Variants in DZIP1 observed in about 807,000 individuals in gnomAD.
DZIP1 encodes cilium assembly protein DZIP1.
Under a neutral mutation model 107.6 loss-of-function variants are expected in DZIP1, and 97 were observed. The ratio of observed to expected loss-of-function variants is 0.90; its 90% confidence interval spans 0.77 to 1.07. The LOEUF is 1.07. DZIP1 is among the 50% of genes least tolerant of loss of function. The pLI is 0.00. For missense variants in DZIP1, 1,035 were observed against 1,063.6 expected (o/e 0.97, Z 0.37); for synonymous variants, 390 against 386.4 (o/e 1.01, Z -0.11).
intron 15 of DZIP1, among the ~76,000 whole-genome samples, chr13:95,598,141 C>A (rs1423320410): frequency 2.0e-5 from 3 of 152,192 alleles, no homozygotes; most frequent in Non-Finnish European, 4.4e-5. Flanking sequence ...CCTATAGTCA[C>A]TCTTGTTTCT....
chr13:95,612,118 A>G lies in DZIP1; in HGVS notation c.1233T>C (p.Asn411=). Reference sequence around the variant, plus strand: ...CTTCTATCCTTTTCTTATAGAAAACATTGCTTGCATTTAGATCATCTATCA... The same window carrying G: ...CTTCTATCCTTTTCTTATAGAAAACGTTGCTTGCATTTAGATCATCTATCA... ...TSMIDDLNAS[N]VFYKKRIEEL... is the part of the protein sequence containing the mutation. The change falls in exon 11 of 23, where the codon AAT becomes AAC. Residue 411 remains asparagine, a synonymous_variant. Coordinates refer to ENST00000376829, the MANE Select transcript of DZIP1 (RefSeq NM_198968.4). The G allele has an allele frequency of 6.2e-7, 1 of 1,613,592 alleles. No individual in the cohort carries two copies. The highest frequency in any genetic ancestry group is 8.5e-7 in the Non-Finnish European group (1 of 1,180,012).
intron 7 of DZIP1, 136 bp downstream of exon 7, chr13:95,629,853 A>G: frequency 1.2e-6 from 1 of 813,642 alleles, no homozygotes; most frequent in Non-Finnish European, 1.8e-6. Flanking sequence ...ACTAAAGAGT[A>G]GATTGGCAAT....
In DZIP1 at chr13:95,587,494, G is replaced by A. The variant is rs202197331; in HGVS notation, c.2218+45C>T. ...TCGGTACACACGGGTGAGGACAACT[G>A]TCCTAAATACAGTTTCCAGAGAGTT... On this transcript the variant is annotated intron_variant, in intron 20 of 22. Transcript: ENST00000376829. 6.7e-4 allele frequency: 1,063 copies of A among 1,597,164 alleles called. 5 individuals carry two copies. Among genetic ancestry groups the A allele is most frequent in the Admixed American group, 7.9e-4 (47 of 59,280 alleles).
chr13:95,593,453 G>A (rs2044365072), intron 16 of DZIP1, among the ~76,000 whole-genome samples: 1 of 152,062 alleles, frequency 6.6e-6, no homozygotes, highest in Admixed American at 6.6e-5. Context: ...ACTATAAAAA[G>A]CAAAAAGAAT....
intron 14 of DZIP1, among the ~76,000 whole-genome samples, chr13:95,602,086 C>T (rs990515114): frequency 8.5e-5 from 13 of 152,276 alleles, no homozygotes; most frequent in African/African-American, 2.2e-4. Flanking sequence ...GAACACTCAG[C>T]GGCTACAAAC....
At chr13:95,617,237 C>T (rs1161630116) in intron 10 of DZIP1, among the ~76,000 whole-genome samples, 1 of 152,046 alleles carries the variant, frequency 6.6e-6, no homozygotes, top group Non-Finnish European at 1.5e-5. Context: ...GTCCCAGGCC[C>T]TTCCTGAAGC....
In DZIP1 at chr13:95,619,959, T is replaced by C. The variant is rs773624880; in HGVS notation, c.1111-12A>G. ...GTCCATTTGCTTTCCTACAAAAGAA[T>C]AAAAGAATAATTTATGTACAACTGT... On this transcript the variant is annotated splice_polypyrimidine_tract_variant and intron_variant, in intron 9 of 22. Transcript: ENST00000376829. 1.5e-5 allele frequency: 24 copies of C among 1,612,806 alleles called. No individual in the cohort carries two copies. In the Admixed American group the frequency reaches 3.7e-4, roughly 25 times the overall value.
chr13:95,584,648 C>A, intron 22 of DZIP1, 88 bp downstream of exon 22: 2 of 1,496,778 alleles, frequency 1.3e-6, no homozygotes, highest in South Asian at 1.5e-5. Flanking sequence ...GATGATATAC[C>A]AGCATAAGTT....
intron 1 of DZIP1, among the ~76,000 whole-genome samples, 163 bp from the exon 2 acceptor site, chr13:95,643,861 T>C (rs1400400251): frequency 1.3e-5 from 2 of 152,198 alleles, no homozygotes; most frequent in Admixed American, 6.5e-5. Context: ...GATTAACCCA[T>C]GATCTGGGCC....
At chr13:95,618,121 C>T in intron 10 of DZIP1, 2 of 489,822 alleles carry the variant, frequency 4.1e-6, no homozygotes, top group Non-Finnish European at 8.3e-6. Context: ...CCACACACAG[C>T]CCTAATCCCA....
At position 95,584,773 on chromosome 13, in the gene DZIP1, G is replaced by C; in HGVS notation, c.2487C>G (p.Ala829=). 1.2e-6 allele frequency: 2 copies of C among 1,614,052 alleles called. No individual in the cohort carries two copies. The highest frequency in any genetic ancestry group is 1.7e-6 in the Non-Finnish European group (2 of 1,179,966). ...NEPHFAHVLN[A]WGAFNPKGPK... ...GCCCCTTAGGATTAAATGCGCCCCA[G>C]GCATTTAGCACATGAGCAAAATGTG... Residue 829 remains alanine (A), a synonymous_variant, in exon 22 of 23, where the codon GCC becomes GCG. Coordinates refer to ENST00000376829, the MANE Select transcript of DZIP1 (RefSeq NM_198968.4).
intron 13 of DZIP1, among the ~76,000 whole-genome samples, chr13:95,608,508 A>G (rs9516606): frequency 1.1e-3 from 168 of 147,940 alleles, no homozygotes; most frequent in Admixed American, 4.4e-3. Flanking sequence ...GCTGCTGAAG[A>G]TTGTTTGTTT....
chr13:95,610,501 A>T (rs2139107225), intron 12 of DZIP1, among the ~76,000 whole-genome samples: 1 of 151,474 alleles, frequency 6.6e-6, no homozygotes, highest in African/African-American at 2.4e-5. Context: ...GAGAAGGGGG[A>T]CTCGCTATGT....
intron 14 of DZIP1, among the ~76,000 whole-genome samples, chr13:95,601,700 T>C (rs1216890304): frequency 6.6e-6 from 1 of 152,164 alleles, no homozygotes; most frequent in Non-Finnish European, 1.5e-5. Context: ...GACTGCCTGC[T>C]TCCAAAGTCT....
chr13:95,630,839 G>C (rs1050756771), intron 6 of DZIP1: 2 of 867,206 alleles, frequency 2.3e-6, no homozygotes, highest in African/African-American at 1.7e-5. Context: ...TCGTTTCAGA[G>C]TCTGAAACCC....
Position 95,617,803 on chromosome 13 carries a change from C to T in DZIP1, c.1173+2082G>A, listed in dbSNP as rs1875316579. Among the ~76,000 whole-genome samples the T allele has an allele frequency of 2.6e-5, 4 of 152,248 alleles. 1 individual carries two copies. On this transcript the variant is annotated intron_variant, in intron 10 of 22. Coordinates refer to ENST00000376829, the MANE Select transcript of DZIP1 (RefSeq NM_198968.4). ...GGGGAAGGCTGGAATTGAGGAGACC[C>T]ACCCTGGGGCCCATTCAGAAATGGA...
At chr13:95,627,019 C>T (rs1252197357) in intron 7 of DZIP1, among the ~76,000 whole-genome samples, 3 of 152,314 alleles carry the variant, frequency 2.0e-5, no homozygotes, top group East Asian at 3.9e-4. Flanking sequence ...TCCTCAATTT[C>T]ATATGCAACT....
intron 8 of DZIP1, among the ~76,000 whole-genome samples, chr13:95,623,090 C>A (rs566159611): frequency 1.3e-5 from 2 of 152,220 alleles, no homozygotes; most frequent in South Asian, 4.1e-4. Flanking sequence ...GTACCAGAAA[C>A]AGAAGAACTG....
intron 8 of DZIP1, 59 bp from the exon 9 acceptor site, chr13:95,622,539 G>A (rs1466799409): frequency 1.3e-5 from 20 of 1,598,212 alleles, no homozygotes; most frequent in Non-Finnish European, 1.6e-5. Context: ...TGGAAACAGA[G>A]AATAAAATCA....
Sources: gnomAD v4.1 joint callset for allele counts (sites outside exome capture counted in the v4.1 genomes callset) on GRCh38, gnomAD v4.1.1 for gene constraint, MANE v1.5 for transcripts, NCBI Gene and HGNC (gene_info 2026-07-23, HGNC 2026-07-21) for gene names.